The following THSD4 variants were observed in gnomAD, a reference collection of about 807,000 sequenced individuals.
THSD4 encodes the protein thrombospondin type-1 domain-containing protein 4.
In THSD4, 69 loss-of-function variants were observed where a neutral mutation model predicts 119.0. That is an observed-to-expected ratio of 0.58 (90% CI 0.48 to 0.71). THSD4 has a LOEUF of 0.71. Ranked by LOEUF, THSD4 falls within the 30% of genes least tolerant of loss-of-function variation. The probability of loss-of-function intolerance (pLI) is 0.00; values close to 1 mark genes in which losing one functional copy is unlikely to be tolerated. For synonymous variants in THSD4, 524 were observed against 540.4 expected (o/e 0.97, Z 0.42); for missense variants, 1,393 against 1,391.1 (o/e 1.00, Z -0.02).
chr15:71,596,533 C>A (rs993984057), intron 7 of THSD4, among the ~76,000 whole-genome samples: 2 of 152,138 alleles, frequency 1.3e-5, no homozygotes, highest in Admixed American at 1.3e-4. Flanking sequence ...ATAGTATCAA[C>A]TTAACACTGG....
At chr15:71,673,413 A>G (rs550039985) in intron 8 of THSD4, among the ~76,000 whole-genome samples, 1 of 152,156 alleles carries the variant, frequency 6.6e-6, no homozygotes, top group African/African-American at 2.4e-5. Flanking sequence ...CGATCTAACA[A>G]TTTTATCAGT....
At chr15:71,154,257 C>T (rs2040754491) in intron 2 of THSD4, among the ~76,000 whole-genome samples, 1 of 152,238 alleles carries the variant, frequency 6.6e-6, no homozygotes, top group Non-Finnish European at 1.5e-5. Flanking sequence ...ATTTCCCCAC[C>T]TCCTCTTTAT....
chr15:71,144,803 C>T (rs1215138405), intron 2 of THSD4, among the ~76,000 whole-genome samples: 4 of 152,094 alleles, frequency 2.6e-5, no homozygotes, highest in South Asian at 4.1e-4. Flanking sequence ...TTCTAACTCT[C>T]GATGGATCTG....
chr15:71,457,642 A>T (rs1595786733), intron 7 of THSD4, among the ~76,000 whole-genome samples: 1 of 152,082 alleles, frequency 6.6e-6, no homozygotes, highest in East Asian at 1.9e-4. Flanking sequence ...ACTTGCTGGA[A>T]CACTTGACCC....
intron 7 of THSD4, among the ~76,000 whole-genome samples, chr15:71,506,469 C>A (rs12595185): frequency 6.6e-6 from 1 of 152,120 alleles, no homozygotes; most frequent in Non-Finnish European, 1.5e-5. Flanking sequence ...GAGACTGACT[C>A]TACCCCGTAA....
chr15:71,312,974 TC>T (rs1410017407), intron 6 of THSD4, among the ~76,000 whole-genome samples: 2 of 152,180 alleles, frequency 1.3e-5, no homozygotes, highest in Non-Finnish European at 2.9e-5. Context: ...AGCAGGGACT[TC>T]CTCTGTCTTG....
At chr15:71,775,544 CT>C (rs2053897046) in intron 17 of THSD4, among the ~76,000 whole-genome samples, 1 of 151,918 alleles carries the variant, frequency 6.6e-6, no homozygotes, top group South Asian at 2.1e-4. Context: ...CCTATCTCTA[CT>C]AAAAATACGA....
At chr15:71,457,379 CAAAA>C (rs10708714) in intron 7 of THSD4, among the ~76,000 whole-genome samples, 1 of 50,586 alleles carries the variant, frequency 2.0e-5, no homozygotes, top group Non-Finnish European at 3.6e-5. Context: ...GATCTCGCCT[CAAAA>C]AAAAAAAAAA....
intron 1 of THSD4, among the ~76,000 whole-genome samples, chr15:71,104,313 G>A (rs910065630): frequency 1.2e-4 from 18 of 149,078 alleles, no homozygotes; most frequent in Non-Finnish European, 2.4e-4. Flanking sequence ...AAAACAGACT[G>A]TTTCTCTTCG....
At chr15:71,180,564 A>G (rs1444061853) in intron 3 of THSD4, among the ~76,000 whole-genome samples, 1 of 152,178 alleles carries the variant, frequency 6.6e-6, no homozygotes, top group African/African-American at 2.4e-5. Context: ...GTAATTGATT[A>G]TGTGTCAATT....
At chr15:71,395,179 A>G (rs1383139813) in intron 6 of THSD4, among the ~76,000 whole-genome samples, 1 of 152,190 alleles carries the variant, frequency 6.6e-6, no homozygotes, top group Non-Finnish European at 1.5e-5. Context: ...GAAGGACCGG[A>G]TGGCTGTGAG....
chr15:71,214,161 A>AGCTAGAGGATTGTATATGCACC (rs2043910160), intron 3 of THSD4, among the ~76,000 whole-genome samples: 2 of 144,064 alleles, frequency 1.4e-5, no homozygotes, highest in African/African-American at 5.6e-5. Context: ...GCACTCTGTA[A>AGCTAGAGGATTGTATATGCACC]AATGGACCGA....
chr15:71,307,525 A>G (rs1390051514), intron 6 of THSD4, among the ~76,000 whole-genome samples: 1 of 152,190 alleles, frequency 6.6e-6, no homozygotes, highest in Non-Finnish European at 1.5e-5. Context: ...TAATTCCAGC[A>G]CTTTGGGAGG....
chr15:71,385,976 C>G (rs1480569519), intron 6 of THSD4, among the ~76,000 whole-genome samples: 1 of 152,088 alleles, frequency 6.6e-6, no homozygotes, highest in Non-Finnish European at 1.5e-5. Context: ...GGAGGCAGAA[C>G]TCTAAGGAAA....
In THSD4 at chr15:71,642,657, G is replaced by A. The variant is rs532399259; in HGVS notation, c.1153-17873G>A. 9.2e-5 allele frequency among the ~76,000 whole-genome samples: 14 copies of A among 152,132 alleles called. No individual in the cohort carries two copies. In the South Asian group the frequency reaches 1.7e-3, roughly 18 times the overall value. On this transcript the variant is annotated intron_variant, in intron 7 of 17. Transcript: ENST00000261862. ...GAGTTCACGTCCTTTGTAGGGACAC[G>A]GATGAAGTTGGAAATCATCATTCTC...
intron 6 of THSD4, among the ~76,000 whole-genome samples, chr15:71,371,412 G>A (rs1014898451): frequency 6.6e-6 from 1 of 152,184 alleles, no homozygotes; most frequent in African/African-American, 2.4e-5. Context: ...TGCAGTGGCT[G>A]GTGCTGGTTG....
intron 8 of THSD4, among the ~76,000 whole-genome samples, chr15:71,684,868 G>C (rs2051874508): frequency 6.6e-6 from 1 of 152,066 alleles, no homozygotes; most frequent in Non-Finnish European, 1.5e-5. Flanking sequence ...TCTGGCACTA[G>C]AATATTTTTG....
chr15:71,201,840 C>T (rs946760596), intron 3 of THSD4, among the ~76,000 whole-genome samples: 2 of 152,098 alleles, frequency 1.3e-5, no homozygotes, highest in African/African-American at 2.4e-5. Flanking sequence ...TGGTTCACGT[C>T]GACATGGGCA....
At position 71,608,237 on chromosome 15, in the gene THSD4, A is replaced by AAAATATAT. The variant is rs537013275; in HGVS notation, c.1153-52292_1153-52291insAATATATA. ...AACTCTGTCTCAAAAAAAAAAAAAA[A>AAAATATAT]ATATATATATATACACACACACACA... On this transcript the variant is annotated intron_variant, in intron 7 of 17. Transcript: ENST00000261862. 2.0e-4 allele frequency among the ~76,000 whole-genome samples: 22 copies of AAAATATAT among 111,590 alleles called. No individual in the cohort carries two copies. The East Asian group carries it at 5.0e-3, about 25-fold the overall frequency. The allele number at this position is 111,590 out of a possible 152,430, so 73.2% of individuals were successfully genotyped here. A position where few individuals can be genotyped will look rare whatever the true frequency, so the allele number is the denominator to read the frequency against.
Sources: gnomAD v4.1 joint callset for allele counts (sites outside exome capture counted in the v4.1 genomes callset) on GRCh38, gnomAD v4.1.1 for gene constraint, MANE v1.5 for transcripts, NCBI Gene and HGNC (gene_info 2026-07-23, HGNC 2026-07-21) for gene names.